The following ABCC2 variants were observed in gnomAD, a reference collection of about 807,000 sequenced individuals.
ABCC2 encodes ATP-binding cassette sub-family C member 2.
In ABCC2, 157 loss-of-function variants were observed where a neutral mutation model predicts 173.4. That is an observed-to-expected ratio of 0.91 (90% CI 0.80 to 1.03). The LOEUF is 1.03. ABCC2 is among the 50% of genes least tolerant of loss of function. The probability of loss-of-function intolerance (pLI) is 0.00; values close to 1 mark genes in which losing one functional copy is unlikely to be tolerated. For missense variants in ABCC2, 1,822 were observed against 1,852.3 expected, an observed-to-expected ratio of 0.98 and a Z score of 0.30; for synonymous variants, 657 against 693.5, an observed-to-expected ratio of 0.95 and a Z score of 0.83.
Position 99,811,532 on chromosome 10 carries a change from A to C in ABCC2, c.1901-4A>C. The C allele has an allele frequency of 6.2e-7, 1 of 1,614,088 alleles. No homozygotes were observed. Among genetic ancestry groups the C allele is most frequent in the Non-Finnish European group, 8.5e-7 (1 of 1,179,972 alleles). ...TGGACTAAAAGAGGGCTTTTTCTCA[A>C]CAGACAAAGCCATGCAGTTTTCTGA... On this transcript the variant is annotated splice_polypyrimidine_tract_variant and splice_region_variant and intron_variant, in intron 14 of 31. Coordinates refer to ENST00000647814, the MANE Select transcript of ABCC2 (RefSeq NM_000392.5).
chr10:99,839,368 A>AC (rs1246751900), intron 25 of ABCC2, among the ~76,000 whole-genome samples: 257 of 17,864 alleles, frequency 0.014, no homozygotes, highest in South Asian at 0.024. Flanking sequence ...GGGGGGGCTG[A>AC]CCCCCCCCCA....
At chr10:99,821,335 G>T (rs2038533947) in intron 19 of ABCC2, among the ~76,000 whole-genome samples, 1 of 152,056 alleles carries the variant, frequency 6.6e-6, no homozygotes, top group Non-Finnish European at 1.5e-5. Context: ...TGTCTCAACT[G>T]CAAGAGGCAT....
chr10:99,842,154 T>C, intron 26 of ABCC2, 61 bp downstream of exon 26: 1 of 1,609,040 alleles, frequency 6.2e-7, no homozygotes, highest in Non-Finnish European at 8.5e-7. Flanking sequence ...TTAAGCCTGA[T>C]GTATACTGTG....
At chr10:99,812,399 A>G (rs1034853195) in intron 15 of ABCC2, among the ~76,000 whole-genome samples, 2 of 152,208 alleles carry the variant, frequency 1.3e-5, no homozygotes, top group African/African-American at 4.8e-5. Context: ...TAATGTTCCT[A>G]ATGTTCTAGA....
intron 5 of ABCC2, 150 bp downstream of exon 5, chr10:99,794,149 T>TTA: frequency 3.5e-6 from 2 of 568,052 alleles, no homozygotes; most frequent in Admixed American, 8.2e-5. Context: ...CAGATAGTGA[T>TTA]GAGAGTAAAA....
intron 2 of ABCC2, 62 bp downstream of exon 2, chr10:99,784,843 T>G: frequency 1.3e-6 from 2 of 1,583,554 alleles, no homozygotes; most frequent in Non-Finnish European, 1.7e-6. Context: ...GACATTTTCT[T>G]GGTGGTTAGT....
Position 99,831,807 on chromosome 10 carries a change from A to T in ABCC2, c.3080A>T (p.Tyr1027Phe), listed in dbSNP as rs778404603. ...CAGAGGGACATGAGAGTTGGAGTCT[A>T]CGGAGCTCTGGGATTAGCCCAAGGT... ...ASQRDMRVGV[Y>F]GALGLAQGIF... is the part of the protein sequence containing the mutation. The change falls in exon 22 of 32, where the codon TAC (tyrosine) becomes TTC (phenylalanine). Residue 1027 changes from tyrosine (Y) to phenylalanine (F), a missense_variant. Transcript: ENST00000647814. The T allele has an allele frequency of 3.1e-6, 5 of 1,614,106 alleles. No homozygotes were observed. Among genetic ancestry groups the T allele is most frequent in the Non-Finnish European group, 4.2e-6 (5 of 1,180,040 alleles).
intron 8 of ABCC2, among the ~76,000 whole-genome samples, chr10:99,799,653 G>A (rs1011510515): frequency 4.6e-5 from 7 of 152,168 alleles, no homozygotes; most frequent in Admixed American, 3.3e-4. Flanking sequence ...TAAGGGCTGA[G>A]CCAGATCCAA....
intron 13 of ABCC2, 92 bp downstream of exon 13, chr10:99,808,321 T>G (rs1399370505): frequency 6.5e-7 from 1 of 1,528,876 alleles, no homozygotes; most frequent in East Asian, 2.2e-5. Context: ...GTCTAACTTT[T>G]GCTGGTAAAC....
chr10:99,795,708 G>C (rs2037889397), intron 6 of ABCC2, among the ~76,000 whole-genome samples: 1 of 140,448 alleles, frequency 7.1e-6, no homozygotes, highest in Non-Finnish European at 1.5e-5. Flanking sequence ...AAAAGAAAGA[G>C]AGAGAGAGAG....
At chr10:99,805,968 C>G (rs146168524) in intron 11 of ABCC2, among the ~76,000 whole-genome samples, 11 of 151,844 alleles carry the variant, frequency 7.2e-5, no homozygotes, top group African/African-American at 2.7e-4. Flanking sequence ...CTCATATGTG[C>G]CTTTTGTTTG....
rs1415726377 is a variant in ABCC2 at position 99,814,124 on chromosome 10, C to T, written c.2094+980C>T. ...ATACACACATATGTGTATATACACACATATGTGTGTATATATACACACATG... is the reference window on the plus strand; with the variant it reads ...ATACACACATATGTGTATATACACATATATGTGTGTATATATACACACATG... On this transcript the variant is annotated intron_variant, in intron 16 of 31. Coordinates refer to ENST00000647814, the MANE Select transcript of ABCC2 (RefSeq NM_000392.5). Among the ~76,000 whole-genome samples, 18 of 127,818 alleles carry T rather than the reference C, an allele frequency of 1.4e-4. 1 individual carries two copies. The highest frequency in any genetic ancestry group is 3.1e-4 in the African/African-American group (10 of 32,722). 83.9% of individuals were successfully genotyped at this position (127,818 alleles called of 152,430 possible).
rs765570396 is a variant in ABCC2 at position 99,813,127 on chromosome 10, G to A, written c.2077G>A (p.Gly693Arg). The A allele has an allele frequency of 3.4e-5, 55 of 1,613,774 alleles. 1 individual carries two copies. The highest frequency in any genetic ancestry group is 3.0e-4 in the South Asian group (27 of 91,064). Reference protein sequence around the residue: ...AMLGEMENVHGHITIKGTTAY... With the variant: ...AMLGEMENVHRHITIKGTTAY... ...GCTGGGAGAAATGGAAAATGTCCAC[G>A]GGCACATCACCATCAAGGTGAGAGG... The change falls in exon 16 of 32, where the codon GGG (glycine) becomes AGG (arginine). Residue 693 changes from glycine to arginine, a missense_variant. Gly to Arg is a moderately radical substitution (Grantham distance 125). Transcript: ENST00000647814.
chr10:99,846,886 T>A, intron 29 of ABCC2, 75 bp from the exon 30 acceptor site: 1 of 1,582,792 alleles, frequency 6.3e-7, no homozygotes, highest in Non-Finnish European at 8.7e-7. Flanking sequence ...CTATCCACCA[T>A]CTCCCAGTCC....
rs531509208 is a variant in ABCC2 at position 99,806,658 on chromosome 10, C to T, written c.1531-726C>T. ...AATTTTATGAAGAAGAATTATCTTTCATCAACTTGTTGGTTACCCTAAAAT... is the reference window on the plus strand; with the variant it reads ...AATTTTATGAAGAAGAATTATCTTTTATCAACTTGTTGGTTACCCTAAAAT... On this transcript the variant is annotated intron_variant, in intron 11 of 31. Coordinates refer to ENST00000647814, the MANE Select transcript of ABCC2 (RefSeq NM_000392.5). Among the ~76,000 whole-genome samples, 28 of 152,306 alleles carry T rather than the reference C, an allele frequency of 1.8e-4. No homozygotes were observed. In the South Asian group the frequency reaches 4.8e-3, roughly 26 times the overall value.
chr10:99,817,513 G>C (rs1310794811), intron 17 of ABCC2, 29 bp downstream of exon 17: 5 of 1,611,582 alleles, frequency 3.1e-6, no homozygotes, highest in Admixed American at 1.7e-5. Flanking sequence ...GATCTTCAAG[G>C]GTGAAGGCAT....
At chr10:99,785,667 C>T (rs979477939) in intron 2 of ABCC2, among the ~76,000 whole-genome samples, 3 of 151,988 alleles carry the variant, frequency 2.0e-5, no homozygotes, top group Non-Finnish European at 4.4e-5. Context: ...TACAGGAGCA[C>T]GCCACCATGT....
At chr10:99,838,129 C>T (rs2038857652) in intron 25 of ABCC2, among the ~76,000 whole-genome samples, 5 of 81,248 alleles carry the variant, frequency 6.2e-5, no homozygotes, top group African/African-American at 1.4e-4. Context: ...CCCTCCCGGA[C>T]GGGGCGGCTG....
chr10:99,843,050 CT>C (rs1418322448), intron 26 of ABCC2, among the ~76,000 whole-genome samples: 1 of 145,790 alleles, frequency 6.9e-6, no homozygotes. Context: ...AAGATTCCAT[CT>C]CAAAAAAAAA....
Sources: allele counts gnomAD v4.1 joint callset (sites outside exome capture counted in the v4.1 genomes callset), GRCh38; gene constraint gnomAD v4.1.1; transcripts MANE v1.5; gene names NCBI Gene and HGNC (gene_info 2026-07-23, HGNC 2026-07-21).